Variants in CAPRIN2 observed in about 807,000 individuals in gnomAD.
CAPRIN2 encodes caprin family member 2, also known as caprin-2.
A neutral mutation model predicts 130.4 loss-of-function variants in CAPRIN2; 66 were observed. That is an observed-to-expected ratio of 0.51 (90% CI 0.42 to 0.62). CAPRIN2 has a LOEUF of 0.62. CAPRIN2 is among the 20% of genes least tolerant of loss of function. The probability of loss-of-function intolerance (pLI) is 0.00; values close to 1 mark genes in which losing one functional copy is unlikely to be tolerated. For synonymous variants in CAPRIN2, 471 were observed against 444.1 expected, an observed-to-expected ratio of 1.06 and a Z score of -0.76; for missense variants, 1,185 against 1,246.6, an observed-to-expected ratio of 0.95 and a Z score of 0.74.
chr12:30,714,196 T>C (rs1375754004), intron 14 of CAPRIN2, among the ~76,000 whole-genome samples: 1 of 152,218 alleles, frequency 6.6e-6, no homozygotes, highest in Non-Finnish European at 1.5e-5. Flanking sequence ...TGTTTGCTTT[T>C]TTATAGGCAG....
exon 8 of CAPRIN2, chr12:30,728,777 A>G (rs1427129648): frequency 1.9e-6 from 3 of 1,613,912 alleles, no homozygotes; most frequent in Non-Finnish European, 2.5e-6. Flanking sequence ...GACTCTCAAC[A>G]TTGTTTTCCC....
intron 12 of CAPRIN2, chr12:30,720,465 T>C (rs1338544338): frequency 6.0e-6 from 1 of 167,026 alleles, no homozygotes; most frequent in Non-Finnish European, 1.3e-5. Context: ...TAAAATAAAG[T>C]TATTGAGCTT....
intron 9 of CAPRIN2, 22 bp from the exon 11 acceptor site, chr12:30,724,473 A>C (rs746798749): frequency 2.7e-6 from 4 of 1,482,282 alleles, no homozygotes; most frequent in Admixed American, 1.7e-5. Context: ...ATTTTAAATA[A>C]AGAGTGGAAA....
chr12:30,723,176 A>C, intron 11 of CAPRIN2, 83 bp downstream of exon 12: 1 of 931,620 alleles, frequency 1.1e-6, no homozygotes, highest in East Asian at 2.4e-5. Context: ...GGTACATGAG[A>C]ATCAGTAAGT....
chr12:30,736,922 A>G (rs922475512), intron 3 of CAPRIN2, among the ~76,000 whole-genome samples: 1 of 152,186 alleles, frequency 6.6e-6, no homozygotes, highest in African/African-American at 2.4e-5. Flanking sequence ...TCTCAGATTT[A>G]TCTTTGGCCA....
chr12:30,749,370 T>C (rs2072481417), intron 2 of CAPRIN2, among the ~76,000 whole-genome samples: 1 of 152,212 alleles, frequency 6.6e-6, no homozygotes, highest in South Asian at 2.1e-4. Context: ...AATAACCATC[T>C]TGACTTGCAT....
intron 16 of CAPRIN2, among the ~76,000 whole-genome samples, chr12:30,711,035 C>T (rs1458777991): frequency 6.6e-6 from 1 of 152,182 alleles, no homozygotes; most frequent in Non-Finnish European, 1.5e-5. Flanking sequence ...AAATTGAATA[C>T]TAGCTATTTT....
At chr12:30,724,651 A>C (rs1290784448) in intron 9 of CAPRIN2, among the ~76,000 whole-genome samples, 200 bp from the exon 11 acceptor site, 1 of 152,176 alleles carries the variant, frequency 6.6e-6, no homozygotes, top group Non-Finnish European at 1.5e-5. Context: ...ATTAAAAATA[A>C]AATCTAAAGT....
intron 15 of CAPRIN2, among the ~76,000 whole-genome samples, 153 bp downstream of exon 17, chr12:30,713,632 C>T (rs1456041241): frequency 1.3e-5 from 2 of 152,190 alleles, no homozygotes; most frequent in South Asian, 2.1e-4. Context: ...GCAAAAACTT[C>T]CAACTCAACT....
chr12:30,750,495 C>A (rs946027362), intron 2 of CAPRIN2, among the ~76,000 whole-genome samples: 2 of 151,186 alleles, frequency 1.3e-5, no homozygotes, highest in Non-Finnish European at 2.9e-5. Flanking sequence ...AGAAGTTAAC[C>A]GATGGAAAAA....
intron 5 of CAPRIN2, among the ~76,000 whole-genome samples, 180 bp from the exon 7 acceptor site, chr12:30,731,690 T>G (rs188080337): frequency 6.6e-6 from 1 of 152,214 alleles, no homozygotes; most frequent in African/African-American, 2.4e-5. Context: ...CTGGAGAACT[T>G]GTCAGTACCA....
chr12:30,750,927 C>CA lies in CAPRIN2; in HGVS notation c.483+143dup, dbSNP rs2073486085. On this transcript the variant is annotated intron_variant, in intron 2 of 16. Coordinates refer to ENST00000298892, the Ensembl canonical transcript of CAPRIN2. ...TCTGAGATCTAACAGGCACAAACAA[C>CA]AAAGTCTTCTGAAACAGTTTTGAAC... The CA allele has an allele frequency of 3.3e-5, 22 of 660,746 alleles. No individual in the cohort carries two copies. In the South Asian group the frequency reaches 4.1e-4, roughly 12 times the overall value. The allele number at this position is 660,746 out of a possible 1,614,324, so 40.9% of individuals were successfully genotyped here.
chr12:30,743,064 A>G (rs990553721), intron 2 of CAPRIN2, among the ~76,000 whole-genome samples: 1 of 151,892 alleles, frequency 6.6e-6, no homozygotes, highest in Admixed American at 6.6e-5. Flanking sequence ...TCCATCATCT[A>G]ATGTAGACCT....
At chr12:30,741,692 G>A (rs546996389) in intron 2 of CAPRIN2, among the ~76,000 whole-genome samples, 10 of 151,966 alleles carry the variant, frequency 6.6e-5, no homozygotes, top group East Asian at 1.9e-4. Context: ...AAATCTATAC[G>A]GAAGAGAAAG....
chr12:30,731,403 T>A (rs1250547911), exon 6 of CAPRIN2: 2 of 1,613,122 alleles, frequency 1.2e-6, no homozygotes, highest in Admixed American at 3.3e-5. Context: ...TGTATTAGCA[T>A]TTCTTCCTCC....
chr12:30,716,392 A>T, intron 13 of CAPRIN2, 116 bp downstream of exon 15: 1 of 913,992 alleles, frequency 1.1e-6, no homozygotes, highest in Non-Finnish European at 1.7e-6. Flanking sequence ...GTAAAGAAAT[A>T]ATGCTTACTG....
intron 13 of CAPRIN2, chr12:30,715,462 G>A (rs1175354219): frequency 2.1e-6 from 1 of 465,822 alleles, no homozygotes; most frequent in Non-Finnish European, 4.3e-6. Flanking sequence ...ACCTAGAGCA[G>A]TCATTTTCAG....
chr12:30,735,085 T>G (rs2064136994), exon 4 of CAPRIN2: 2 of 1,614,016 alleles, frequency 1.2e-6, no homozygotes, highest in Non-Finnish European at 1.7e-6. Flanking sequence ...TTTTTGTACG[T>G]GCTCCTGTGT....
intron 3 of CAPRIN2, among the ~76,000 whole-genome samples, chr12:30,735,695 A>T (rs2064418249): frequency 6.6e-6 from 1 of 152,234 alleles, no homozygotes; most frequent in African/African-American, 2.4e-5. Context: ...TTCCAAGTGT[A>T]ATGCCAAAAA....
Sources: gnomAD v4.1 joint callset for allele counts (sites outside exome capture counted in the v4.1 genomes callset) on GRCh38, gnomAD v4.1.1 for gene constraint, MANE v1.5 for transcripts, NCBI Gene and HGNC (gene_info 2026-07-23, HGNC 2026-07-21) for gene names.